The following TG variants were observed in gnomAD, a reference collection of about 807,000 sequenced individuals.
TG encodes thyroglobulin.
In TG, 270 loss-of-function variants were observed where a neutral mutation model predicts 324.7. The observed-to-expected ratio is 0.83, with a 90% CI of 0.75 to 0.92. The LOEUF is 0.92. TG is among the 40% of genes least tolerant of loss of function. TG has a pLI of 0.00. For missense variants in TG, 3,591 were observed against 3,456.4 expected, an observed-to-expected ratio of 1.04 and a Z score of -0.98; for synonymous variants, 1,401 against 1,327.0, an observed-to-expected ratio of 1.06 and a Z score of -1.21.
At chr8:133,031,310 A>G (rs1272927565) in intron 41 of TG, among the ~76,000 whole-genome samples, 1 of 152,076 alleles carries the variant, frequency 6.6e-6, no homozygotes, top group Non-Finnish European at 1.5e-5. Context: ...TTTCCTTTTT[A>G]TGGCTGCATA....
intron 45 of TG, among the ~76,000 whole-genome samples, chr8:133,129,300 T>C (rs1851774651): frequency 6.6e-6 from 1 of 152,232 alleles, no homozygotes. Context: ...CAGTGCTCTG[T>C]GGCCTTTCTA....
At chr8:132,994,886 A>T in intron 35 of TG, 1 of 1,217,684 alleles carries the variant, frequency 8.2e-7, no homozygotes, top group Non-Finnish European at 1.0e-6. Context: ...AGTAAGATTG[A>T]GGTAATGAGC....
At position 133,012,039 on chromosome 8, in the gene TG, A is replaced by G. The variant is rs776429444; in HGVS notation, c.6397+4A>G. 5 of 1,614,156 alleles carry G rather than the reference A, an allele frequency of 3.1e-6. No individual in the cohort carries two copies. Among genetic ancestry groups the G allele is most frequent in the Non-Finnish European group, 4.2e-6 (5 of 1,180,026 alleles). ...GTCCGAGACCTCTGTTTGTCGGGTA[A>G]GGGGAGTTTCCAACCCACAGGTTGG... On this transcript the variant is annotated splice_donor_region_variant and intron_variant, in intron 36 of 47. Coordinates refer to ENST00000220616, the MANE Select transcript of TG (RefSeq NM_003235.5).
At chr8:132,880,230 G>A (rs1320099735) in intron 5 of TG, among the ~76,000 whole-genome samples, 1 of 152,202 alleles carries the variant, frequency 6.6e-6, no homozygotes, top group Non-Finnish European at 1.5e-5. Flanking sequence ...ACTAGTTCAA[G>A]ACAGTGGCCC....
At chr8:133,124,989 G>A (rs1169252606) in intron 45 of TG, among the ~76,000 whole-genome samples, 1 of 152,222 alleles carries the variant, frequency 6.6e-6, no homozygotes. Flanking sequence ...GCTACATCCT[G>A]TGGGATTATT....
rs1820818869 is a variant in TG, at chr8:132,919,394, G to C, written c.4397G>C (p.Ser1466Thr). Reference protein sequence around the residue: ...GLGCVKCPEGSYSQDEECIPC... With the variant: ...GLGCVKCPEGTYSQDEECIPC... ...TTTCTAGTTAAGTGTCCTGAAGGAA[G>C]CTATTCCCAAGATGAGGAATGCATT... Residue 1466 changes from serine to threonine, a missense_variant, in exon 21 of 48, where the codon AGC becomes ACC. Transcript: ENST00000220616. 6.2e-7 allele frequency: 1 copy of C among 1,614,084 alleles called. No individual in the cohort carries two copies.
chr8:133,100,379 C>A (rs1280936241), intron 43 of TG, among the ~76,000 whole-genome samples: 1 of 152,206 alleles, frequency 6.6e-6, no homozygotes, highest in Non-Finnish European at 1.5e-5. Flanking sequence ...TGTTGTCTTT[C>A]TTCCCCAACT....
At chr8:132,944,675 C>T (rs1024493914) in intron 26 of TG, among the ~76,000 whole-genome samples, 1 of 152,196 alleles carries the variant, frequency 6.6e-6, no homozygotes, top group African/African-American at 2.4e-5. Flanking sequence ...CCTCCCACCC[C>T]CACTGTTTCC....
intron 3 of TG, among the ~76,000 whole-genome samples, chr8:132,870,443 C>T (rs1487614746): frequency 6.7e-6 from 1 of 149,198 alleles, no homozygotes. Flanking sequence ...AGTCAGGCAT[C>T]CTCACTGAGC....
At chr8:132,932,371 C>G (rs1822850149) in intron 23 of TG, among the ~76,000 whole-genome samples, 1 of 152,152 alleles carries the variant, frequency 6.6e-6, no homozygotes, top group Admixed American at 6.5e-5. Flanking sequence ...TTTCCCTCGC[C>G]TTTCAGCTGG....
chr8:133,056,320 G>A (rs1008358860), intron 41 of TG, among the ~76,000 whole-genome samples: 1 of 152,230 alleles, frequency 6.6e-6, no homozygotes, highest in Admixed American at 6.5e-5. Flanking sequence ...TGTACCAGCA[G>A]CGAGGTTAGA....
In TG at chr8:132,963,703, A is replaced by G. The variant is rs868007549; in HGVS notation, c.5548+629A>G. 2.3e-3 allele frequency among the ~76,000 whole-genome samples: 105 copies of G among 44,810 alleles called. 1 individual carries two copies. The highest frequency in any genetic ancestry group is 3.4e-3 in the Non-Finnish European group (89 of 26,472). The allele number at this position is 44,810 out of a possible 152,430, so 29.4% of individuals were successfully genotyped here. On this transcript the variant is annotated intron_variant, in intron 29 of 47. Transcript: ENST00000220616. Reference sequence around the variant, plus strand: ...TGTGTGTGTGTGTGTGTGTGTGTGTATTTGCATGCATGGACGCACTGTAGG... The same window carrying G: ...TGTGTGTGTGTGTGTGTGTGTGTGTGTTTGCATGCATGGACGCACTGTAGG...
intron 35 of TG, among the ~76,000 whole-genome samples, chr8:132,984,410 T>C (rs1048534291): frequency 1.7e-4 from 26 of 152,228 alleles, no homozygotes; most frequent in African/African-American, 5.5e-4. Flanking sequence ...CTATAGAAAC[T>C]GTGTATGCTA....
intron 41 of TG, among the ~76,000 whole-genome samples, chr8:133,093,592 C>T (rs1053316663): frequency 1.3e-5 from 2 of 152,166 alleles, no homozygotes; most frequent in African/African-American, 2.4e-5. Context: ...GGTCTCACAG[C>T]GGCCGTGTCC....
intron 41 of TG, among the ~76,000 whole-genome samples, chr8:133,067,941 A>G (rs943759710): frequency 2.0e-5 from 3 of 151,428 alleles, no homozygotes; most frequent in East Asian, 1.9e-4. Flanking sequence ...GAAAGAAAGA[A>G]AGAGAGAAAG....
intron 41 of TG, among the ~76,000 whole-genome samples, chr8:133,053,833 C>T (rs1235213606): frequency 1.3e-5 from 2 of 152,134 alleles, no homozygotes; most frequent in African/African-American, 2.4e-5. Context: ...GTGGAATTTC[C>T]GTAATAGTGA....
At chr8:133,026,002 G>A (rs2130964690) in intron 40 of TG, among the ~76,000 whole-genome samples, 1 of 152,256 alleles carries the variant, frequency 6.6e-6, no homozygotes, top group South Asian at 2.1e-4. Context: ...AGTGTGTGAG[G>A]ACAAGCACCA....
At chr8:132,900,485 C>A in intron 15 of TG, 146 bp downstream of exon 15, 1 of 757,918 alleles carries the variant, frequency 1.3e-6, no homozygotes, top group South Asian at 1.5e-5. Context: ...CCTCAGTTTT[C>A]TCATCTATGA....
At chr8:132,932,129 G>C (rs1268873921) in intron 23 of TG, among the ~76,000 whole-genome samples, 1 of 151,812 alleles carries the variant, frequency 6.6e-6, no homozygotes, top group Admixed American at 6.6e-5. Flanking sequence ...TTTTTTGGGG[G>C]GGGTGTTCTG....
Sources: gnomAD v4.1 joint callset for allele counts (sites outside exome capture counted in the v4.1 genomes callset) on GRCh38, gnomAD v4.1.1 for gene constraint, MANE v1.5 for transcripts, NCBI Gene and HGNC (gene_info 2026-07-23, HGNC 2026-07-21) for gene names.